SLC1A1: variants seen among roughly 807,000 people sequenced by gnomAD.
SLC1A1 encodes the protein solute carrier family 1 member 1, also known as excitatory amino acid transporter 3.
A neutral mutation model predicts 53.3 loss-of-function variants in SLC1A1; 43 were observed. The ratio of observed to expected loss-of-function variants is 0.81; its 90% CI spans 0.63 to 1.04. SLC1A1 has a LOEUF of 1.04. Ranked by LOEUF, SLC1A1 falls within the 50% of genes least tolerant of loss-of-function variation. The pLI is 0.00. For synonymous variants in SLC1A1, 307 were observed against 243.2 expected (o/e 1.26, Z -2.44); for missense variants, 748 against 664.9 (o/e 1.12, Z -1.37).
chr9:4,578,386 GC>G (rs1820759155), intron 10 of SLC1A1, among the ~76,000 whole-genome samples: 2 of 152,186 alleles, frequency 1.3e-5, no homozygotes, highest in African/African-American at 4.8e-5. Flanking sequence ...TTATAACTGT[GC>G]CTATGTAGTG....
chr9:4,512,476 C>G (rs2130815953), intron 1 of SLC1A1, among the ~76,000 whole-genome samples: 1 of 152,164 alleles, frequency 6.6e-6, no homozygotes, highest in South Asian at 2.1e-4. Flanking sequence ...CCACTGCACT[C>G]AAGCCTGGGT....
intron 1 of SLC1A1, among the ~76,000 whole-genome samples, chr9:4,523,356 T>C (rs560683259): frequency 6.6e-6 from 1 of 152,250 alleles, no homozygotes; most frequent in African/African-American, 2.4e-5. Flanking sequence ...CCTTTTCTTT[T>C]TTTTTTTCCA....
intron 10 of SLC1A1, among the ~76,000 whole-genome samples, chr9:4,582,253 C>A (rs1821167143): frequency 6.6e-6 from 1 of 152,178 alleles, no homozygotes; most frequent in South Asian, 2.1e-4. Context: ...CAAGAGGGAT[C>A]TTTTTAAATA....
rs546202189 is a variant in SLC1A1, at chr9:4,499,654, C to T, written c.91+8884C>T. Among the ~76,000 whole-genome samples, 209 of 152,314 alleles carry T rather than the reference C, an allele frequency of 1.4e-3. 1 individual carries two copies. Among genetic ancestry groups the T allele is most frequent in the African/African-American group, 4.8e-3 (200 of 41,564 alleles). The stretch of plus-strand genomic sequence containing the variant: ...AAATGATTTTACATATTAGACTCTG[C>T]ACATGCAGGTTGGTATATACAATCT... On this transcript the variant is annotated intron_variant, in intron 1 of 11. Coordinates refer to ENST00000262352, the MANE Select transcript of SLC1A1 (RefSeq NM_004170.6).
intron 1 of SLC1A1, among the ~76,000 whole-genome samples, chr9:4,520,011 G>C (rs73641456): frequency 0.023 from 3,469 of 152,218 alleles, 130 homozygotes; most frequent in African/African-American, 0.078. Context: ...CTGGTTTTCT[G>C]TTGGCTGTTT....
chr9:4,537,002 T>C (rs1249565652), intron 1 of SLC1A1, among the ~76,000 whole-genome samples: 2 of 151,712 alleles, frequency 1.3e-5, no homozygotes, highest in African/African-American at 2.4e-5. Flanking sequence ...ATGAGAACAC[T>C]TGGACACAGG....
intron 1 of SLC1A1, among the ~76,000 whole-genome samples, chr9:4,539,338 A>C (rs1251096869): frequency 6.6e-6 from 1 of 152,206 alleles, no homozygotes; most frequent in Non-Finnish European, 1.5e-5. Flanking sequence ...TCTGATTCCC[A>C]GTATTGTTTC....
At chr9:4,502,389 G>GAAACAAAA (rs1820665203) in intron 1 of SLC1A1, among the ~76,000 whole-genome samples, 1 of 56,490 alleles carries the variant, frequency 1.8e-5, no homozygotes, top group Non-Finnish European at 2.9e-5. Flanking sequence ...CCTGTCTCCA[G>GAAACAAAA]AAAAAAAAAA....
intron 7 of SLC1A1, 64 bp downstream of exon 7, chr9:4,572,452 A>C: frequency 7.2e-7 from 1 of 1,398,016 alleles, no homozygotes; most frequent in East Asian, 2.3e-5. Flanking sequence ...CAAAATTAGA[A>C]AGAAGAGGTT....
intron 1 of SLC1A1, among the ~76,000 whole-genome samples, chr9:4,505,045 C>CTTTTTTTTT (rs3038189): frequency 8.7e-5 from 10 of 114,994 alleles, no homozygotes; most frequent in Non-Finnish European, 1.5e-4. Flanking sequence ...ACATATATTT[C>CTTTTTTTTT]TTTTTTTTTT....
intron 1 of SLC1A1, among the ~76,000 whole-genome samples, chr9:4,519,707 C>T (rs142809640): frequency 1.3e-5 from 2 of 152,154 alleles, no homozygotes; most frequent in Non-Finnish European, 2.9e-5. Context: ...GATGAGGATA[C>T]AGAGGCTTAG....
At chr9:4,522,630 T>G (rs148029161) in intron 1 of SLC1A1, among the ~76,000 whole-genome samples, 87 of 152,290 alleles carry the variant, frequency 5.7e-4, no homozygotes, top group Non-Finnish European at 1.0e-3. Flanking sequence ...CTCAAAGTTC[T>G]GCGTGGCTGG....
At chr9:4,507,905 C>T (rs943840185) in intron 1 of SLC1A1, among the ~76,000 whole-genome samples, 11 of 152,004 alleles carry the variant, frequency 7.2e-5, no homozygotes, top group Non-Finnish European at 1.3e-4. Flanking sequence ...GTGTAGTGAA[C>T]CAAGAAGGTG....
At chr9:4,516,242 G>C (rs544270897) in intron 1 of SLC1A1, among the ~76,000 whole-genome samples, 1 of 152,096 alleles carries the variant, frequency 6.6e-6, no homozygotes, top group East Asian at 1.9e-4. Flanking sequence ...ACCCAGAACG[G>C]GCCTGAACAT....
intron 10 of SLC1A1, among the ~76,000 whole-genome samples, chr9:4,576,979 T>C (rs1820608709): frequency 6.6e-6 from 1 of 152,262 alleles, no homozygotes. Flanking sequence ...CTCAGTTTAC[T>C]GAAGCCAGTA....
chr9:4,578,313 A>G (rs1040743556), intron 10 of SLC1A1, among the ~76,000 whole-genome samples: 4 of 152,236 alleles, frequency 2.6e-5, no homozygotes, highest in Admixed American at 6.5e-5. Flanking sequence ...CATCTGTAAA[A>G]TGAATAATAG....
chr9:4,579,073 A>G (rs1213474628), intron 10 of SLC1A1, among the ~76,000 whole-genome samples: 2 of 152,380 alleles, frequency 1.3e-5, no homozygotes, highest in East Asian at 3.9e-4. Context: ...CCTAAATCGC[A>G]AAGTATTTCT....
At chr9:4,499,062 TG>T (rs1324260583) in intron 1 of SLC1A1, among the ~76,000 whole-genome samples, 210 of 146,430 alleles carry the variant, frequency 1.4e-3, no homozygotes, top group African/African-American at 5.1e-3. Context: ...TTTTTTTTTT[TG>T]AGAACAAGTC....
chr9:4,552,649 G>A (rs896135089), intron 2 of SLC1A1, among the ~76,000 whole-genome samples: 2 of 152,056 alleles, frequency 1.3e-5, no homozygotes, highest in African/African-American at 2.4e-5. Flanking sequence ...ATCCTAGAGG[G>A]GCAAGAGAGT....
Sources: gnomAD v4.1 joint callset for allele counts (sites outside exome capture counted in the v4.1 genomes callset) on GRCh38, gnomAD v4.1.1 for gene constraint, MANE v1.5 for transcripts, NCBI Gene and HGNC (gene_info 2026-07-23, HGNC 2026-07-21) for gene names.